NAV2: variants seen among roughly 807,000 people sequenced by gnomAD.
NAV2 encodes the protein neuron navigator 2.
Under a neutral mutation model 223.2 loss-of-function variants are expected in NAV2, and 54 were observed. The observed-to-expected ratio is 0.24, with a 90% CI of 0.19 to 0.30. NAV2 has a LOEUF of 0.30. Ranked by LOEUF, NAV2 falls within the 10% of genes least tolerant of loss-of-function variation. The pLI is 1.00. For synonymous variants in NAV2, 1,279 were observed against 1,239.3 expected, an observed-to-expected ratio of 1.03 and a Z score of -0.67; for missense variants, 2,806 against 3,147.5, an observed-to-expected ratio of 0.89 and a Z score of 2.60.
chr11:19,513,751 G>A (rs758837833), intron 1 of NAV2, among the ~76,000 whole-genome samples: 5 of 152,194 alleles, frequency 3.3e-5, no homozygotes, highest in Admixed American at 2.0e-4. Flanking sequence ...TTAAAATGAG[G>A]TTATTGGAGT....
At chr11:19,539,113 A>G (rs994156095) in intron 1 of NAV2, among the ~76,000 whole-genome samples, 1 of 152,216 alleles carries the variant, frequency 6.6e-6, no homozygotes, top group Non-Finnish European at 1.5e-5. Flanking sequence ...TGTGATGCCC[A>G]GGCAGCCTTG....
chr11:20,060,333 G>GC (rs1236089826), intron 19 of NAV2, among the ~76,000 whole-genome samples: 2 of 152,230 alleles, frequency 1.3e-5, no homozygotes, highest in East Asian at 3.8e-4. Context: ...TATTGTCTGT[G>GC]TCGTAAGCTG....
At chr11:19,669,644 G>A (rs1393724236) in intron 1 of NAV2, among the ~76,000 whole-genome samples, 1 of 152,244 alleles carries the variant, frequency 6.6e-6, no homozygotes, top group East Asian at 1.9e-4. Flanking sequence ...GATCCTGCTT[G>A]CAATGAAGCT....
chr11:19,590,936 G>T (rs867271082), intron 1 of NAV2, among the ~76,000 whole-genome samples: 15 of 152,026 alleles, frequency 9.9e-5, no homozygotes, highest in Admixed American at 2.6e-4. Flanking sequence ...GGCTTCTTTT[G>T]TCTCCACTTC....
At chr11:19,388,435 C>A (rs1849125348) in intron 1 of NAV2, among the ~76,000 whole-genome samples, 1 of 152,116 alleles carries the variant, frequency 6.6e-6, no homozygotes, top group African/African-American at 2.4e-5. Flanking sequence ...TGCTGATTCT[C>A]TTTCTTATTC....
intron 29 of NAV2, among the ~76,000 whole-genome samples, chr11:20,094,606 G>A (rs993319874): frequency 2.6e-5 from 4 of 152,128 alleles, no homozygotes; most frequent in Admixed American, 6.5e-5. Context: ...TGAACACATA[G>A]AGCATACCTT....
intron 1 of NAV2, among the ~76,000 whole-genome samples, chr11:19,500,157 T>A (rs2042920015): frequency 6.6e-6 from 1 of 152,186 alleles, no homozygotes; most frequent in Admixed American, 6.5e-5. Context: ...TGCAGAGGCT[T>A]ACAAAGACCT....
intron 1 of NAV2, among the ~76,000 whole-genome samples, chr11:19,530,590 C>G (rs1273941149): frequency 6.6e-6 from 1 of 152,202 alleles, no homozygotes; most frequent in Non-Finnish European, 1.5e-5. Flanking sequence ...CTTCCCACCC[C>G]CAAAGCATGG....
intron 1 of NAV2, among the ~76,000 whole-genome samples, chr11:19,781,462 G>GGGCT (rs917392287): frequency 3.3e-5 from 5 of 152,234 alleles, no homozygotes; most frequent in African/African-American, 1.2e-4. Context: ...ACACTTAAGG[G>GGGCT]GGCTCTTCCT....
At chr11:19,493,281 G>T (rs2042690290) in intron 1 of NAV2, among the ~76,000 whole-genome samples, 1 of 151,844 alleles carries the variant, frequency 6.6e-6, no homozygotes, top group African/African-American at 2.4e-5. Context: ...CACAATGAAG[G>T]TGATTAAAGG....
intron 1 of NAV2, among the ~76,000 whole-genome samples, chr11:19,654,392 T>C (rs1027391247): frequency 3.9e-5 from 6 of 152,022 alleles, no homozygotes; most frequent in African/African-American, 1.5e-4. Context: ...AAAAAACTAC[T>C]TTAAAGTTCA....
intron 3 of NAV2, among the ~76,000 whole-genome samples, chr11:19,853,250 T>C (rs2061241773): frequency 6.6e-6 from 1 of 152,236 alleles, no homozygotes; most frequent in African/African-American, 2.4e-5. Flanking sequence ...GCATGACACA[T>C]TGTCTCTGAG....
intron 4 of NAV2, among the ~76,000 whole-genome samples, chr11:19,877,752 G>A (rs549068174): frequency 2.0e-5 from 3 of 152,144 alleles, no homozygotes; most frequent in Non-Finnish European, 4.4e-5. Flanking sequence ...GATTACAGGC[G>A]TGAGCCACCG....
At chr11:19,411,206 C>A (rs1441469988) in intron 1 of NAV2, among the ~76,000 whole-genome samples, 1 of 152,174 alleles carries the variant, frequency 6.6e-6, no homozygotes, top group Non-Finnish European at 1.5e-5. Flanking sequence ...TGCTGCTGCT[C>A]TGGGGACTAC....
chr11:19,939,906 T>C (rs936455480), intron 8 of NAV2, 133 bp downstream of exon 8: 4 of 414,056 alleles, frequency 9.7e-6, no homozygotes, highest in Non-Finnish European at 1.2e-5. Context: ...AAACAAACTT[T>C]CTTTCTTTTT....
chr11:20,047,480 T>C (rs2057559311), intron 14 of NAV2, among the ~76,000 whole-genome samples: 1 of 152,174 alleles, frequency 6.6e-6, no homozygotes. Context: ...CATAGCAGAA[T>C]GAGGAGCAAT....
chr11:19,377,509 C>T (rs1848680236), intron 1 of NAV2, among the ~76,000 whole-genome samples: 1 of 152,196 alleles, frequency 6.6e-6, no homozygotes, highest in African/African-American at 2.4e-5. Context: ...TTGCATGCCT[C>T]TCTCTCCACT....
intron 1 of NAV2, among the ~76,000 whole-genome samples, chr11:19,450,266 A>G (rs1302134259): frequency 6.6e-6 from 1 of 152,178 alleles, no homozygotes; most frequent in Non-Finnish European, 1.5e-5. Flanking sequence ...TTGACTCCTC[A>G]GTGGTGACAG....
chr11:19,741,768 T>C (rs1416320571), intron 1 of NAV2, among the ~76,000 whole-genome samples: 1 of 150,332 alleles, frequency 6.7e-6, no homozygotes, highest in African/African-American at 2.4e-5. Context: ...TAGACATTTA[T>C]GTTGTTTCCA....
Sources: gnomAD v4.1 joint callset for allele counts (sites outside exome capture counted in the v4.1 genomes callset) on GRCh38, gnomAD v4.1.1 for gene constraint, MANE v1.5 for transcripts, NCBI Gene and HGNC (gene_info 2026-07-23, HGNC 2026-07-21) for gene names.